Variants in UTRN observed in about 807,000 individuals in gnomAD.
UTRN encodes the protein dystrophin-related protein 1.
Under a neutral mutation model 463.9 loss-of-function variants are expected in UTRN, and 283 were observed. The observed-to-expected ratio is 0.61, with a 90% CI of 0.55 to 0.67. UTRN has a LOEUF of 0.67. UTRN is among the 30% of genes least tolerant of loss of function. UTRN has a pLI of 0.00. For missense variants in UTRN, 3,922 were observed against 4,084.3 expected (o/e 0.96, Z 1.08); for synonymous variants, 1,442 against 1,431.5 (o/e 1.01, Z -0.17).
intron 65 of UTRN, among the ~76,000 whole-genome samples, chr6:144,812,440 G>C (rs1052707517): frequency 6.6e-6 from 1 of 152,084 alleles, no homozygotes; most frequent in Non-Finnish European, 1.5e-5. Context: ...AGTGAAAAGG[G>C]AACTTTCAGC....
intron 53 of UTRN, among the ~76,000 whole-genome samples, chr6:144,718,767 C>G (rs980280511): frequency 1.3e-5 from 2 of 152,210 alleles, no homozygotes; most frequent in African/African-American, 4.8e-5. Flanking sequence ...TATACCTGCT[C>G]TGGCACAAAT....
chr6:144,537,563 AAAT>A lies in UTRN; in HGVS notation c.6234-14_6234-12del. The stretch of plus-strand genomic sequence containing the variant: ...TGGACAGTTTTTCCTCAATATTTTT[AAAT>A]AATATATTCTTTTAGGCTAAAAGGA... On this transcript the variant is annotated splice_polypyrimidine_tract_variant and intron_variant, in intron 43 of 74. Coordinates refer to ENST00000367545, the MANE Select transcript of UTRN (RefSeq NM_007124.3). 6.7e-7 allele frequency: 1 copy of A among 1,481,762 alleles called. No individual in the cohort carries two copies. The highest frequency in any genetic ancestry group is 9.0e-7 in the Non-Finnish European group (1 of 1,117,084). 91.8% of individuals were successfully genotyped at this position (1,481,762 alleles called of 1,614,324 possible). A position where few individuals can be genotyped will look rare whatever the true frequency, so the allele number is the denominator to read the frequency against.
At chr6:144,536,798 A>C (rs1276211117) in intron 43 of UTRN, among the ~76,000 whole-genome samples, 1 of 151,992 alleles carries the variant, frequency 6.6e-6, no homozygotes, top group Non-Finnish European at 1.5e-5. Flanking sequence ...AAAACACATA[A>C]TCTTATTTGT....
intron 53 of UTRN, among the ~76,000 whole-genome samples, chr6:144,722,130 T>G (rs1787247611): frequency 6.6e-6 from 1 of 152,302 alleles, no homozygotes; most frequent in South Asian, 2.1e-4. Flanking sequence ...AAGGACTCTT[T>G]CCCTAACTTC....
chr6:144,388,066 G>A (rs758313712), intron 2 of UTRN, among the ~76,000 whole-genome samples: 8 of 152,262 alleles, frequency 5.3e-5, no homozygotes, highest in South Asian at 4.1e-4. Flanking sequence ...AAGGTATTAC[G>A]TATTTATTAC....
intron 53 of UTRN, chr6:144,706,835 A>G (rs1318926862): frequency 6.6e-6 from 1 of 152,132 alleles, no homozygotes; most frequent in East Asian, 1.9e-4. Context: ...CTCCACTACA[A>G]TCCAGGTAAA....
rs941335438 is a variant in UTRN at position 144,423,871 on chromosome 6, T to C, written c.313-115T>C. The C allele has an allele frequency of 2.3e-5, 25 of 1,090,640 alleles. No individual in the cohort carries two copies. In the African/African-American group the frequency reaches 2.9e-4, roughly 13 times the overall value. The allele number at this position is 1,090,640 out of a possible 1,614,324, so 67.6% of individuals were successfully genotyped here. ...TTACCTGATTCTCTAAAATGAAATT[T>C]CTCTTATCTCTCACTTATACTGCTG... is the stretch of plus-strand genomic sequence containing the variant. On this transcript the variant is annotated intron_variant, in intron 5 of 74. Coordinates refer to ENST00000367545, the MANE Select transcript of UTRN (RefSeq NM_007124.3).
chr6:144,838,210 C>G (rs1458436675), intron 71 of UTRN, among the ~76,000 whole-genome samples: 2 of 152,200 alleles, frequency 1.3e-5, no homozygotes, highest in Non-Finnish European at 1.5e-5. Flanking sequence ...TTCCCCTACT[C>G]CCTCCATCCC....
chr6:144,559,312 G>T (rs1384751225), intron 50 of UTRN, among the ~76,000 whole-genome samples: 4 of 151,932 alleles, frequency 2.6e-5, no homozygotes, highest in East Asian at 3.9e-4. Flanking sequence ...TTTCCGGGGG[G>T]TGGAAATAAG....
Position 144,423,951 on chromosome 6 carries a change from C to T in UTRN, c.313-35C>T, listed in dbSNP as rs1562377048. ...TTCTGTGAAGAAATTGTCTTAAAAG[C>T]GTTTTTGTTTTTGTTTTTTGTTTTG... On this transcript the variant is annotated intron_variant, in intron 5 of 74. Coordinates refer to ENST00000367545, the MANE Select transcript of UTRN (RefSeq NM_007124.3). 1.3e-5 allele frequency: 21 copies of T among 1,595,126 alleles called. 1 individual carries two copies. The highest frequency in any genetic ancestry group is 3.3e-4 in the Middle Eastern group (2 of 6,000).
chr6:144,798,459 A>G (rs1777424587), intron 64 of UTRN, among the ~76,000 whole-genome samples: 1 of 152,220 alleles, frequency 6.6e-6, no homozygotes, highest in African/African-American at 2.4e-5. Flanking sequence ...ACTTCTTCCC[A>G]TGAGGAGCAC....
chr6:144,320,010 C>T (rs763751439), intron 2 of UTRN, among the ~76,000 whole-genome samples: 7 of 152,024 alleles, frequency 4.6e-5, no homozygotes, highest in African/African-American at 7.3e-5. Context: ...CGTGCCACCA[C>T]GCCCGGCTAG....
intron 51 of UTRN, among the ~76,000 whole-genome samples, chr6:144,603,034 A>T (rs538808795): frequency 6.6e-6 from 1 of 152,306 alleles, no homozygotes; most frequent in East Asian, 1.9e-4. Context: ...CATGTAAAGC[A>T]TCTTTGCACA....
intron 2 of UTRN, among the ~76,000 whole-genome samples, chr6:144,327,315 T>C (rs1187471770): frequency 1.3e-5 from 2 of 152,192 alleles, no homozygotes; most frequent in African/African-American, 4.8e-5. Flanking sequence ...GCTGCTGAAC[T>C]GAACTGGTCA....
chr6:144,705,753 T>C (rs1785029467), intron 53 of UTRN, among the ~76,000 whole-genome samples: 1 of 152,206 alleles, frequency 6.6e-6, no homozygotes, highest in South Asian at 2.1e-4. Flanking sequence ...GAAATGAAAG[T>C]AATTTAGGAA....
chr6:144,836,398 A>G lies in UTRN; in HGVS notation c.9922A>G (p.Thr3308Ala), dbSNP rs751984980. 1.9e-6 allele frequency: 3 copies of G among 1,614,048 alleles called. No homozygotes were observed. Among genetic ancestry groups the G allele is most frequent in the Admixed American group, 1.7e-5 (1 of 60,016 alleles). The change falls in exon 71 of 75, where the codon ACG (threonine) becomes GCG (alanine). Residue 3308 changes from threonine (T) to alanine (A), a missense_variant. Physicochemically the swap from Thr to Ala is moderately conservative, Grantham distance 58. Coordinates refer to ENST00000367545, the MANE Select transcript of UTRN (RefSeq NM_007124.3). The stretch of plus-strand genomic sequence containing the variant: ...AGAGTCGATTATATCTCCCCATCAC[A>G]CGTCTGAGGATTCAGAACTTATAGC... ...PPESIISPHHTSEDSELIAEA... is the reference protein window; with the variant it reads ...PPESIISPHHASEDSELIAEA...
chr6:144,713,746 C>T (rs535302632), intron 53 of UTRN, among the ~76,000 whole-genome samples: 4 of 151,532 alleles, frequency 2.6e-5, no homozygotes, highest in East Asian at 3.9e-4. Context: ...CATGGAGAAA[C>T]CCCGTCTCTA....
intron 60 of UTRN, among the ~76,000 whole-genome samples, chr6:144,778,977 C>T (rs1380845270): frequency 2.0e-4 from 31 of 152,156 alleles, no homozygotes; most frequent in Non-Finnish European, 2.2e-4. Flanking sequence ...GACTTAGGCA[C>T]TAAGACAAAG....
chr6:144,514,993 C>G (rs2128592291), intron 37 of UTRN, among the ~76,000 whole-genome samples, 173 bp downstream of exon 37: 1 of 152,332 alleles, frequency 6.6e-6, no homozygotes, highest in East Asian at 1.9e-4. Context: ...CCTCCGCCTT[C>G]TGGGTGCAAG....
Sources: gnomAD v4.1 joint callset for allele counts (sites outside exome capture counted in the v4.1 genomes callset) on GRCh38, gnomAD v4.1.1 for gene constraint, MANE v1.5 for transcripts, NCBI Gene and HGNC (gene_info 2026-07-23, HGNC 2026-07-21) for gene names.